TXK: variants seen among roughly 807,000 people sequenced by gnomAD.
TXK encodes TXK tyrosine kinase, also known as tyrosine-protein kinase TXK.
In TXK, 60 loss-of-function variants were observed where a neutral mutation model predicts 81.0. The observed-to-expected ratio is 0.74, with a 90% CI of 0.60 to 0.92. The LOEUF is 0.92. Among genes scored for constraint, TXK ranks in the 40% least tolerant of loss-of-function variants. TXK has a pLI of 0.00. For synonymous variants in TXK, 203 were observed against 210.7 expected (o/e 0.96, Z 0.32); for missense variants, 581 against 638.3 (o/e 0.91, Z 0.97).
chr4:48,093,375 T>C (rs1013137421), intron 8 of TXK, among the ~76,000 whole-genome samples: 2 of 152,228 alleles, frequency 1.3e-5, no homozygotes, highest in African/African-American at 4.8e-5. Flanking sequence ...TTACCGTGGA[T>C]TCTGAATTCT....
chr4:48,076,194 T>C (rs1717061878), intron 12 of TXK, among the ~76,000 whole-genome samples: 2 of 152,218 alleles, frequency 1.3e-5, no homozygotes, highest in Admixed American at 1.3e-4. Context: ...ATGAGAAGAA[T>C]AGCCCACAGT....
At chr4:48,120,505 G>A (rs572015179) in intron 1 of TXK, among the ~76,000 whole-genome samples, 51 of 129,730 alleles carry the variant, frequency 3.9e-4, no homozygotes, top group African/African-American at 1.4e-3. Flanking sequence ...TTTTTTTTTT[G>A]GTTGAGACCA....
intron 1 of TXK, among the ~76,000 whole-genome samples, chr4:48,128,651 T>C (rs1430309681): frequency 7.0e-6 from 1 of 143,662 alleles, no homozygotes; most frequent in East Asian, 2.1e-4. Context: ...CTGCAACCTC[T>C]GCTCCCGGGT....
chr4:48,074,288 T>C (rs1481522472), intron 12 of TXK, among the ~76,000 whole-genome samples: 2 of 152,198 alleles, frequency 1.3e-5, no homozygotes, highest in Non-Finnish European at 2.9e-5. Context: ...GCTGCTTCAG[T>C]TCAAAACATG....
chr4:48,097,422 C>CTTTTT (rs4031383), intron 6 of TXK, among the ~76,000 whole-genome samples: 2 of 141,862 alleles, frequency 1.4e-5, no homozygotes, highest in Non-Finnish European at 1.5e-5. Flanking sequence ...AAAGCTACCA[C>CTTTTT]TTTTTTTTTT....
At position 48,067,413 on chromosome 4, in the gene TXK, T is replaced by C. The variant is rs1056644564; in HGVS notation, c.*224A>G. On this transcript the variant is annotated 3_prime_UTR_variant, in exon 15 of 15. Coordinates refer to ENST00000264316, the MANE Select transcript of TXK (RefSeq NM_003328.3). ...TTCACATTTGGGATGTGAAATATTTTACAGAAAAATAAGAGTGTGCAAATC... is the reference window on the plus strand; with the variant it reads ...TTCACATTTGGGATGTGAAATATTTCACAGAAAAATAAGAGTGTGCAAATC... 1 of 489,158 alleles carries C rather than the reference T, an allele frequency of 2.0e-6. No homozygotes were observed. The highest frequency in any genetic ancestry group is 3.6e-6 in the Non-Finnish European group (1 of 275,224). The allele number at this position is 489,158 out of a possible 1,614,324, so 30.3% of individuals were successfully genotyped here. A position where few individuals can be genotyped will look rare whatever the true frequency, so the allele number is the denominator to read the frequency against.
At chr4:48,072,225 A>G (rs1716890879) in intron 13 of TXK, among the ~76,000 whole-genome samples, 1 of 152,122 alleles carries the variant, frequency 6.6e-6, no homozygotes, top group South Asian at 2.1e-4. Context: ...GCTGGTCTCG[A>G]GCTCTGACCT....
intron 10 of TXK, among the ~76,000 whole-genome samples, chr4:48,082,938 G>A (rs528877109): frequency 2.0e-5 from 3 of 152,238 alleles, no homozygotes; most frequent in East Asian, 1.9e-4. Flanking sequence ...ATCCTGCTGA[G>A]AGCCACCTCC....
At chr4:48,133,174 T>C (rs948253942) in intron 1 of TXK, among the ~76,000 whole-genome samples, 1 of 152,090 alleles carries the variant, frequency 6.6e-6, no homozygotes, top group Non-Finnish European at 1.5e-5. Context: ...AACAAACACA[T>C]TGCAATTCTG....
At chr4:48,098,728 G>A (rs1718076460) in intron 6 of TXK, among the ~76,000 whole-genome samples, 2 of 152,108 alleles carry the variant, frequency 1.3e-5, no homozygotes, top group Non-Finnish European at 1.5e-5. Flanking sequence ...TTGGGAGACC[G>A]AGGCAGGCAG....
At position 48,071,476 on chromosome 4, in the gene TXK, C is replaced by T. The variant is rs143048463; in HGVS notation, c.1515+41G>A. 4.5e-5 allele frequency: 71 copies of T among 1,581,214 alleles called. No homozygotes were observed. The African/African-American group carries it at 8.9e-4, about 20-fold the overall frequency. On this transcript the variant is annotated intron_variant, in intron 14 of 14. Coordinates refer to ENST00000264316, the MANE Select transcript of TXK (RefSeq NM_003328.3). ...TGATAATCAGGTCTGCTCTCAGATG[C>T]TGGGACTGCCAACCTTCATAGGAAA...
chr4:48,071,283 G>C (rs875179), intron 14 of TXK, among the ~76,000 whole-genome samples: 111,335 of 152,104 alleles, frequency 0.73, 41,539 homozygotes, highest in Non-Finnish European at 0.8. Flanking sequence ...ATCTCAAACA[G>C]ATAAGACTCA....
At chr4:48,104,542 TTA>T (rs377377584) in intron 6 of TXK, among the ~76,000 whole-genome samples, 1 of 7,132 alleles carries the variant, frequency 1.4e-4, no homozygotes, top group Non-Finnish European at 3.8e-4. Context: ...TATATATATT[TTA>T]TATATATAAT....
Position 48,134,189 on chromosome 4 carries a change from G to C in TXK, c.-19C>G, listed in dbSNP as rs1400079100. 6.2e-7 allele frequency: 1 copy of C among 1,613,386 alleles called. No individual in the cohort carries two copies. The highest frequency in any genetic ancestry group is 1.7e-5 in the Admixed American group (1 of 59,926). Reference sequence around the variant, plus strand: ...GGATCATGGTAGCCCCTTCTGCGGGGAGCACACAACAGTCTTCAGTTCTTC... The same window carrying C: ...GGATCATGGTAGCCCCTTCTGCGGGCAGCACACAACAGTCTTCAGTTCTTC... On this transcript the variant is annotated 5_prime_UTR_variant, in exon 1 of 15. Transcript: ENST00000264316.
rs534277787 is a variant in TXK at position 48,113,245 on chromosome 4, G to A, written c.136C>T (p.Arg46Cys). ...GACAATTGGCTGAGCCACGGCCTGC[G>A]ACGCTGGGTGTATTTTTCTGGAAGC... is the stretch of plus-strand genomic sequence containing the variant. ...EELPEKYTQR[R>C]RPWLSQLSNK... The change falls in exon 3 of 15, where the codon CGC (arginine) becomes TGC (cysteine). Residue 46 changes from arginine to cysteine, a missense_variant. Coordinates refer to ENST00000264316, the MANE Select transcript of TXK (RefSeq NM_003328.3). The A allele has an allele frequency of 8.1e-6, 13 of 1,613,486 alleles. No homozygotes were observed. In the East Asian group the frequency reaches 8.9e-5, roughly 11 times the overall value.
chr4:48,075,300 T>C lies in TXK; in HGVS notation c.1238+1102A>G, dbSNP rs74559036. Reference sequence around the variant, plus strand: ...AGGCAGAAAGATGCCAGTGAACAAATGGCTGTGGATGTGCCTAGGTAAATG... The same window carrying C: ...AGGCAGAAAGATGCCAGTGAACAAACGGCTGTGGATGTGCCTAGGTAAATG... On this transcript the variant is annotated intron_variant, in intron 12 of 14. Coordinates refer to ENST00000264316, the MANE Select transcript of TXK (RefSeq NM_003328.3). Among the ~76,000 whole-genome samples, 1,025 of 152,248 alleles carry C rather than the reference T, an allele frequency of 6.7e-3. 12 individuals carry two copies. Among genetic ancestry groups the C allele is most frequent in the African/African-American group, 0.023 (967 of 41,538 alleles).
chr4:48,087,094 T>C (rs984220277), intron 9 of TXK, among the ~76,000 whole-genome samples: 12 of 152,194 alleles, frequency 7.9e-5, no homozygotes, highest in African/African-American at 2.9e-4. Context: ...CTTGATACTT[T>C]TTCTTCTTAG....
chr4:48,110,455 C>T (rs1413825196), intron 5 of TXK, 83 bp downstream of exon 5: 18 of 951,924 alleles, frequency 1.9e-5, no homozygotes, highest in Admixed American at 4.4e-5. Flanking sequence ...TTTTTTCCTT[C>T]TACAGACCCA....
At chr4:48,102,626 C>T (rs1382417343) in intron 6 of TXK, among the ~76,000 whole-genome samples, 1 of 152,194 alleles carries the variant, frequency 6.6e-6, no homozygotes, top group African/African-American at 2.4e-5. Flanking sequence ...CACATAATTC[C>T]ATCTCGCCCT....
Sources: allele counts gnomAD v4.1 joint callset (sites outside exome capture counted in the v4.1 genomes callset), GRCh38; gene constraint gnomAD v4.1.1; transcripts MANE v1.5; gene names NCBI Gene and HGNC (gene_info 2026-07-23, HGNC 2026-07-21).